The following FOLH1 variants were observed in gnomAD, a reference collection of about 807,000 sequenced individuals.
FOLH1 encodes folate hydrolase 1, also known as glutamate carboxypeptidase 2.
FOLH1 carries 54 observed loss-of-function variants against 93.9 expected under a neutral mutation model. The observed-to-expected ratio is 0.57, with a 90% CI of 0.46 to 0.72. The LOEUF is 0.72. Ranked by LOEUF, FOLH1 falls within the 30% of genes least tolerant of loss-of-function variation. The probability of loss-of-function intolerance (pLI) is 0.00; values close to 1 mark genes in which losing one functional copy is unlikely to be tolerated. For synonymous variants in FOLH1, 249 were observed against 303.6 expected (o/e 0.82, Z 1.87); for missense variants, 571 against 892.5 (o/e 0.64, Z 4.59).
intron 2 of FOLH1, among the ~76,000 whole-genome samples, chr11:49,204,764 A>ATG (rs956828189): frequency 6.6e-5 from 10 of 152,058 alleles, no homozygotes; most frequent in South Asian, 2.1e-4. Flanking sequence ...ACCTATGTGC[A>ATG]TGTGTGTGTG....
At chr11:49,180,438 T>C (rs371328202) in intron 7 of FOLH1, among the ~76,000 whole-genome samples, 4 of 152,358 alleles carry the variant, frequency 2.6e-5, no homozygotes, top group East Asian at 1.9e-4. Context: ...CAAGTCAACA[T>C]TGAAGTTTTT....
chr11:49,208,375 A>ACAGCC lies in FOLH1; in HGVS notation c.30_34dup (p.Val12GlyfsTer34). 1 of 1,604,194 alleles carries ACAGCC rather than the reference A, an allele frequency of 6.2e-7. No individual in the cohort carries two copies. The highest frequency in any genetic ancestry group is 1.7e-5 in the Admixed American group (1 of 59,262). On this transcript the variant is annotated frameshift_variant, in exon 1 of 19. Transcript: ENST00000256999. LOFTEE classifies it high-confidence loss of function. ...CCAGCGCGGGCGGCGCGCGGTGGCC[A>ACAGCC]CAGCCGAGTCGGTTTCGTGAAGGAG... is the stretch of plus-strand genomic sequence containing the variant.
intron 2 of FOLH1, among the ~76,000 whole-genome samples, chr11:49,202,362 T>C (rs1391997332): frequency 1.3e-5 from 2 of 152,298 alleles, no homozygotes; most frequent in African/African-American, 4.8e-5. Flanking sequence ...TATATATCAC[T>C]GTAGGGCTGC....
chr11:49,200,170 T>C, intron 3 of FOLH1, 85 bp downstream of exon 3: 1 of 1,167,794 alleles, frequency 8.6e-7, no homozygotes, highest in Non-Finnish European at 1.2e-6. Flanking sequence ...TATTTAGAGA[T>C]GGGATAGAAC....
intron 18 of FOLH1, 81 bp downstream of exon 18, chr11:49,148,558 A>AT (rs1856043047): frequency 1.1e-5 from 12 of 1,088,534 alleles, no homozygotes; most frequent in Non-Finnish European, 1.6e-5. Context: ...CAACTACAAT[A>AT]TTTTTTCCAC....
intron 13 of FOLH1, 66 bp from the exon 14 acceptor site, chr11:49,158,109 T>C (rs1173833087): frequency 3.4e-6 from 5 of 1,462,704 alleles, no homozygotes; most frequent in Non-Finnish European, 4.6e-6. Flanking sequence ...TAGATGTCCA[T>C]TAACCAGAAG....
intron 4 of FOLH1, among the ~76,000 whole-genome samples, chr11:49,187,269 C>G (rs533683083): frequency 2.6e-5 from 4 of 152,174 alleles, no homozygotes; most frequent in African/African-American, 7.2e-5. Context: ...ATGTGCAAAT[C>G]TTATAACATA....
chr11:49,194,003 C>G (rs202702), intron 3 of FOLH1, among the ~76,000 whole-genome samples: 49,075 of 151,448 alleles, frequency 0.32, 9,288 homozygotes, highest in African/African-American at 0.53. Flanking sequence ...ACTAAAAATA[C>G]AAAAATTAGC....
intron 7 of FOLH1, among the ~76,000 whole-genome samples, chr11:49,182,061 C>A (rs429352): frequency 0.36 from 54,319 of 151,818 alleles, 10,769 homozygotes; most frequent in African/African-American, 0.54. Context: ...GGGCGCAGTG[C>A]CTCATGCCTG....
In FOLH1 at chr11:49,174,924, A is replaced by C. The variant is rs746340486; in HGVS notation, c.1073T>G (p.Val358Gly). Residue 358 changes from valine (V) to glycine (G), a missense_variant, in exon 9 of 19, where the codon GTG becomes GGG. By Grantham distance (109) the Val-to-Gly change is moderately radical. Around this residue, in one of 2 missense-constraint regions of FOLH1, gnomAD observed 500 missense variants for 822.9 expected, o/e 0.61. Transcript: ENST00000256999. ...STNEVTRIYNVIGTLRGAVEP... is the reference protein window; with the variant it reads ...STNEVTRIYNGIGTLRGAVEP... Reference sequence around the variant, plus strand: ...CACTGCTCCTCTGAGAGTACCTATCACATTGTAAATTCTTGTCACTTCATT... The same window carrying C: ...CACTGCTCCTCTGAGAGTACCTATCCCATTGTAAATTCTTGTCACTTCATT... 1 of 1,611,178 alleles carries C rather than the reference A, an allele frequency of 6.2e-7. No homozygotes were observed. Among genetic ancestry groups the C allele is most frequent in the Non-Finnish European group, 8.5e-7 (1 of 1,178,228 alleles).
At chr11:49,185,227 A>G (rs547193991) in intron 6 of FOLH1, among the ~76,000 whole-genome samples, 2 of 152,120 alleles carry the variant, frequency 1.3e-5, no homozygotes, top group East Asian at 3.9e-4. Context: ...TAACAGCAAA[A>G]CCTGATCTGA....
At chr11:49,150,786 T>C (rs2134858897) in intron 17 of FOLH1, among the ~76,000 whole-genome samples, 1 of 152,218 alleles carries the variant, frequency 6.6e-6, no homozygotes, top group East Asian at 1.9e-4. Context: ...CAACAATGAG[T>C]TACTGAATTT....
intron 17 of FOLH1, among the ~76,000 whole-genome samples, chr11:49,152,243 C>G (rs1426815794): frequency 3.3e-5 from 5 of 152,044 alleles, no homozygotes. Context: ...AAATCTTTCT[C>G]CAGGCAGCCT....
At chr11:49,174,206 C>G (rs1397478053) in intron 9 of FOLH1, among the ~76,000 whole-genome samples, 2 of 152,114 alleles carry the variant, frequency 1.3e-5, no homozygotes, top group Non-Finnish European at 2.9e-5. Context: ...TTAGAATATG[C>G]AAACAACAAG....
chr11:49,189,258 A>G (rs1392055517), intron 4 of FOLH1, among the ~76,000 whole-genome samples: 1 of 152,200 alleles, frequency 6.6e-6, no homozygotes, highest in Non-Finnish European at 1.5e-5. Context: ...GAAAGTCTTT[A>G]CACAGCCTAG....
intron 3 of FOLH1, among the ~76,000 whole-genome samples, 175 bp from the exon 4 acceptor site, chr11:49,193,069 G>T (rs1190697504): frequency 6.6e-6 from 1 of 152,076 alleles, no homozygotes; most frequent in African/African-American, 2.4e-5. Flanking sequence ...AAGAATTCAC[G>T]AGATGAATAA....
At chr11:49,161,876 C>A (rs766222397) in intron 13 of FOLH1, among the ~76,000 whole-genome samples, 5 of 152,180 alleles carry the variant, frequency 3.3e-5, no homozygotes, top group Non-Finnish European at 7.3e-5. Flanking sequence ...TTCTCCTTCA[C>A]GTATAAAGCT....
chr11:49,208,362 G>C lies in FOLH1; in HGVS notation c.48C>G (p.Arg16=), dbSNP rs756559634. The change falls in exon 1 of 19, where the codon CGC becomes CGG. Residue 16 remains arginine (R), a synonymous_variant. Coordinates refer to ENST00000256999, the MANE Select transcript of FOLH1 (RefSeq NM_004476.3). The part of the protein sequence containing the change: ...HETDSAVATA[R]RPRWLCAGAL... The stretch of plus-strand genomic sequence containing the variant: ...CCCCAGCGCACAGCCAGCGCGGGCG[G>C]CGCGCGGTGGCCACAGCCGAGTCGG... 1.2e-5 allele frequency: 20 copies of C among 1,602,500 alleles called. No individual in the cohort carries two copies. Among genetic ancestry groups the C allele is most frequent in the Non-Finnish European group, 1.6e-5 (19 of 1,173,670 alleles).
intron 2 of FOLH1, among the ~76,000 whole-genome samples, chr11:49,203,536 T>C (rs1156387288): frequency 6.6e-6 from 1 of 152,168 alleles, no homozygotes; most frequent in East Asian, 1.9e-4. Flanking sequence ...AAATGGCAAA[T>C]TGAAAATCTG....
Sources: allele counts gnomAD v4.1 joint callset (sites outside exome capture counted in the v4.1 genomes callset), GRCh38; gene constraint gnomAD v4.1.1; regional missense constraint gnomAD v4.1.1; transcripts MANE v1.5; gene names NCBI Gene and HGNC (gene_info 2026-07-23, HGNC 2026-07-21).